The following RIMS1 variants were observed in gnomAD, a reference collection of about 807,000 sequenced individuals.
RIMS1 encodes the protein regulating synaptic membrane exocytosis protein 1.
RIMS1 carries 83 observed loss-of-function variants against 214.1 expected under a neutral mutation model. The observed-to-expected ratio is 0.39, with a 90% CI of 0.32 to 0.47. The LOEUF (loss-of-function observed/expected upper bound fraction) is 0.47. Among genes scored for constraint, RIMS1 ranks in the 20% least tolerant of loss-of-function variants. RIMS1 has a pLI of 0.99. For missense variants in RIMS1, 2,050 were observed against 2,161.8 expected (o/e 0.95, Z 1.03); for synonymous variants, 793 against 786.8 (o/e 1.01, Z -0.13).
rs114963833 is a variant in RIMS1 at position 72,064,012 on chromosome 6, T to C, written c.246-32937T>C. 2.8e-3 allele frequency among the ~76,000 whole-genome samples: 433 copies of C among 152,306 alleles called. 1 individual carries two copies. The highest frequency in any genetic ancestry group is 1.0e-2 in the African/African-American group (415 of 41,572). On this transcript the variant is annotated intron_variant, in intron 2 of 33. Transcript: ENST00000521978. ...CCTTTTATAAGGAGTCCAGTCATAT[T>C]AAATTAGTCTAATGAAATTACTTGG... is the stretch of plus-strand genomic sequence containing the variant.
At chr6:72,316,072 A>G (rs750948865) in intron 28 of RIMS1, among the ~76,000 whole-genome samples, 1 of 152,158 alleles carries the variant, frequency 6.6e-6, no homozygotes, top group Non-Finnish European at 1.5e-5. Context: ...GGACTTTATT[A>G]TCTTCTTTTT....
chr6:72,108,709 TA>T (rs2035313497), intron 4 of RIMS1, among the ~76,000 whole-genome samples: 1 of 151,810 alleles, frequency 6.6e-6, no homozygotes, highest in Non-Finnish European at 1.5e-5. Flanking sequence ...TTTATTTTAT[TA>T]TTATTATACT....
At chr6:71,994,093 GTTT>G (rs1802679963) in intron 2 of RIMS1, among the ~76,000 whole-genome samples, 2 of 152,308 alleles carry the variant, frequency 1.3e-5, no homozygotes, top group South Asian at 4.1e-4. Flanking sequence ...GTTATAGTTT[GTTT>G]TATCAAGACA....
At chr6:71,962,206 A>G (rs1793159212) in intron 1 of RIMS1, among the ~76,000 whole-genome samples, 1 of 152,164 alleles carries the variant, frequency 6.6e-6, no homozygotes, top group Non-Finnish European at 1.5e-5. Context: ...TTCTTTTCTT[A>G]TCAGTCTTTG....
intron 10 of RIMS1, among the ~76,000 whole-genome samples, chr6:72,242,979 C>A (rs1475668587): frequency 2.6e-5 from 4 of 151,724 alleles, no homozygotes; most frequent in Non-Finnish European, 1.5e-5. Flanking sequence ...TTTAAAACCT[C>A]AATTTTCAGT....
chr6:72,086,265 C>CT (rs1834631543), intron 2 of RIMS1, among the ~76,000 whole-genome samples: 1 of 152,072 alleles, frequency 6.6e-6, no homozygotes, highest in Non-Finnish European at 1.5e-5. Flanking sequence ...AAAGGAGAGC[C>CT]TGTATGCTCA....
intron 2 of RIMS1, 54 bp downstream of exon 2, chr6:71,969,117 T>G (rs1295091103): frequency 1.3e-6 from 2 of 1,528,006 alleles, no homozygotes; most frequent in East Asian, 4.5e-5. Flanking sequence ...ACACAGATCA[T>G]GGTTACAGAT....
chr6:72,261,160 G>A (rs764266254), intron 19 of RIMS1: 34 of 1,029,460 alleles, frequency 3.3e-5, no homozygotes, highest in African/African-American at 3.1e-4. Flanking sequence ...TTTCATAATT[G>A]TAAGTTTGCT....
At chr6:71,935,875 T>C (rs564388450) in intron 1 of RIMS1, among the ~76,000 whole-genome samples, 2 of 152,324 alleles carry the variant, frequency 1.3e-5, no homozygotes, top group East Asian at 3.9e-4. Context: ...TGAAGTAATC[T>C]TTCACCGGGA....
At chr6:72,162,979 G>A (rs1477222300) in intron 4 of RIMS1, among the ~76,000 whole-genome samples, 1 of 133,096 alleles carries the variant, frequency 7.5e-6, no homozygotes, top group African/African-American at 2.5e-5. Context: ...ATCCTGCAGA[G>A]TGTTTTCCAA....
intron 2 of RIMS1, among the ~76,000 whole-genome samples, chr6:72,046,150 C>G (rs1023839860): frequency 6.6e-6 from 1 of 152,038 alleles, no homozygotes; most frequent in Non-Finnish European, 1.5e-5. Context: ...CTCTTTTGAA[C>G]TCTCAGGAAG....
intron 1 of RIMS1, among the ~76,000 whole-genome samples, chr6:71,904,615 G>C (rs1228461748): frequency 1.3e-5 from 2 of 152,032 alleles, no homozygotes; most frequent in Non-Finnish European, 2.9e-5. Flanking sequence ...ACTGATTTTA[G>C]CTGAAAATTA....
rs2154134334 is a variant in RIMS1 at position 72,250,426 on chromosome 6, C to T, written c.2338C>T (p.Pro780Ser). The change falls in exon 13 of 34, where the codon CCC becomes TCC. Residue 780 changes from proline (P) to serine (S), a missense_variant. Transcript: ENST00000521978. ...TAGAGTAGATGGACGTCCTCGAAATCCCTATGTAAAAATGTATTTTCTTCC... is the reference window on the plus strand; with the variant it reads ...TAGAGTAGATGGACGTCCTCGAAATTCCTATGTAAAAATGTATTTTCTTCC... ...PARVDGRPRN[P>S]YVKMYFLPDR... 1 of 1,601,962 alleles carries T rather than the reference C, an allele frequency of 6.2e-7. No individual in the cohort carries two copies. Among genetic ancestry groups the T allele is most frequent in the African/African-American group, 1.3e-5 (1 of 74,628 alleles).
chr6:72,068,264 C>CT (rs1829788712), intron 2 of RIMS1, among the ~76,000 whole-genome samples: 1 of 152,260 alleles, frequency 6.6e-6, no homozygotes, highest in African/African-American at 2.4e-5. Flanking sequence ...AGCCTCAATT[C>CT]TTTTTTCTGT....
chr6:72,252,770 G>T lies in RIMS1; in HGVS notation c.2708G>T (p.Arg903Leu). Residue 903 changes from arginine (R) to leucine (L), a missense_variant, in exon 16 of 34, where the codon CGA becomes CTA. This residue lies in a region of RIMS1 where 889 missense variants were observed against 885.5 expected (regional missense o/e 1.00). Transcript: ENST00000521978. ...SSSKKLQRSQ[R>L]ISDSDISDYE... ...CCTTACTGTTGTGCAGGATCTCAGC[G>T]AATCAGTGATAGTGACATCTCAGAT... The T allele has an allele frequency of 6.4e-7, 1 of 1,558,796 alleles. No homozygotes were observed. The highest frequency in any genetic ancestry group is 8.7e-7 in the Non-Finnish European group (1 of 1,150,066).
intron 2 of RIMS1, among the ~76,000 whole-genome samples, chr6:72,028,737 C>G (rs1342510929): frequency 6.6e-6 from 1 of 152,068 alleles, no homozygotes; most frequent in Non-Finnish European, 1.5e-5. Flanking sequence ...TAAAAGTACT[C>G]AGAAGTATTC....
chr6:72,276,355 A>C (rs1174474621), intron 23 of RIMS1, among the ~76,000 whole-genome samples: 1 of 152,220 alleles, frequency 6.6e-6, no homozygotes, highest in Non-Finnish European at 1.5e-5. Context: ...TTTGTAATGA[A>C]TATAAATGTA....
In RIMS1 at chr6:72,182,913, C is replaced by A; in HGVS notation, c.1442C>A (p.Ala481Glu). ...RKQSRLDPSS[A>E]VLMRKAKREK... ...CAGAGCCGCCTGGACCCCAGCTCGG[C>A]GGTCCTCATGCGGAAGGCCAAGCGC... The change falls in exon 6 of 34, where the codon GCG becomes GAG. Residue 481 changes from alanine to glutamate, a missense_variant. Ala to Glu is a moderately radical substitution (Grantham distance 107). Coordinates refer to ENST00000521978, the MANE Select transcript of RIMS1 (RefSeq NM_014989.7). The A allele has an allele frequency of 6.3e-7, 1 of 1,579,060 alleles. No individual in the cohort carries two copies. Among genetic ancestry groups the A allele is most frequent in the Admixed American group, 1.8e-5 (1 of 54,866 alleles).
chr6:72,041,097 T>G (rs117410902), intron 2 of RIMS1, among the ~76,000 whole-genome samples: 83 of 152,082 alleles, frequency 5.5e-4, no homozygotes, highest in Non-Finnish European at 9.3e-4. Context: ...TATGTGTGTA[T>G]GCACATAGGA....
Sources: allele counts gnomAD v4.1 joint callset (sites outside exome capture counted in the v4.1 genomes callset), GRCh38; gene constraint gnomAD v4.1.1; regional missense constraint gnomAD v4.1.1; transcripts MANE v1.5; gene names NCBI Gene and HGNC (gene_info 2026-07-23, HGNC 2026-07-21).